TBC1D9: variants seen among roughly 807,000 people sequenced by gnomAD.
The protein encoded by TBC1D9 is TBC1 domain family member 9A.
A neutral mutation model predicts 132.0 loss-of-function variants in TBC1D9; 63 were observed. The observed-to-expected ratio is 0.48, with a 90% CI of 0.39 to 0.59. TBC1D9 has a LOEUF of 0.59. TBC1D9 is among the 20% of genes least tolerant of loss of function. TBC1D9 has a pLI of 0.00. For missense variants in TBC1D9, 1,261 were observed against 1,592.7 expected (o/e 0.79, Z 3.54); for synonymous variants, 610 against 609.9 (o/e 1.00, Z 0.00).
rs1738747724 is a variant in TBC1D9 at position 140,740,810 on chromosome 4, A to C, written c.130+15106T>G. On this transcript the variant is annotated intron_variant, in intron 1 of 20. Transcript: ENST00000442267. ...TTTGGCTGTCAATTTCATCCAAATGAAAGTTCCTAACTTAGATCTCCAGTG... is the reference window on the plus strand; with the variant it reads ...TTTGGCTGTCAATTTCATCCAAATGCAAGTTCCTAACTTAGATCTCCAGTG... Among the ~76,000 whole-genome samples, 3 of 152,328 alleles carry C rather than the reference A, an allele frequency of 2.0e-5. No individual in the cohort carries two copies. In the South Asian group the frequency reaches 6.2e-4, roughly 32 times the overall value.
intron 1 of TBC1D9, among the ~76,000 whole-genome samples, chr4:140,748,975 T>C (rs1247831499): frequency 6.6e-6 from 1 of 152,224 alleles, no homozygotes; most frequent in Non-Finnish European, 1.5e-5. Flanking sequence ...AAATATACTA[T>C]TACAACACAA....
In TBC1D9 at chr4:140,657,302, G is replaced by T. The variant is rs941326341; in HGVS notation, c.2208-76C>A. On this transcript the variant is annotated intron_variant, in intron 12 of 20. Coordinates refer to ENST00000442267, the MANE Select transcript of TBC1D9 (RefSeq NM_015130.3). The stretch of plus-strand genomic sequence containing the variant: ...CATTATAATTCTCCAATCATTTTCT[G>T]CAAGTTCTACATTTTAAAACAAAGG... The T allele has an allele frequency of 2.0e-6, 3 of 1,532,992 alleles. No individual in the cohort carries two copies. In the African/African-American group the frequency reaches 4.2e-5, roughly 21 times the overall value. 95.0% of individuals were successfully genotyped at this position (1,532,992 alleles called of 1,614,324 possible). A position where few individuals can be genotyped will look rare whatever the true frequency, so the allele number is the denominator to read the frequency against.
chr4:140,627,576 A>G (rs971346056), intron 17 of TBC1D9, 49 bp from the exon 18 acceptor site: 1 of 1,158,628 alleles, frequency 8.6e-7, no homozygotes, highest in Admixed American at 2.0e-5. Flanking sequence ...GCCATGATCC[A>G]GTGAAAGTAT....
intron 13 of TBC1D9, among the ~76,000 whole-genome samples, chr4:140,649,529 G>T (rs958193641): frequency 6.6e-6 from 1 of 152,160 alleles, no homozygotes; most frequent in African/African-American, 2.4e-5. Flanking sequence ...AGAAATTGAT[G>T]GAATGTGAGG....
chr4:140,672,985 C>T (rs1180372035), intron 6 of TBC1D9, among the ~76,000 whole-genome samples: 1 of 152,050 alleles, frequency 6.6e-6, no homozygotes, highest in Non-Finnish European at 1.5e-5. Context: ...CATGATGAAA[C>T]CCCATCTCTA....
At chr4:140,687,319 A>ATGTGTGTG (rs1216278514) in intron 2 of TBC1D9, among the ~76,000 whole-genome samples, 2 of 63,872 alleles carry the variant, frequency 3.1e-5, no homozygotes, top group African/African-American at 9.3e-5. Context: ...CCATATATAT[A>ATGTGTGTG]TATGTGTGTG....
intron 2 of TBC1D9, among the ~76,000 whole-genome samples, chr4:140,691,750 C>A (rs953383363): frequency 6.6e-6 from 1 of 152,228 alleles, no homozygotes; most frequent in Non-Finnish European, 1.5e-5. Context: ...TCATTTCAAG[C>A]AGTTTTTTAG....
intron 1 of TBC1D9, among the ~76,000 whole-genome samples, chr4:140,742,574 G>A (rs928314838): frequency 6.6e-6 from 1 of 150,608 alleles, no homozygotes; most frequent in Non-Finnish European, 1.5e-5. Flanking sequence ...TCATCCACTG[G>A]GCTTTTTAGA....
At chr4:140,649,242 A>G (rs1737149747) in intron 13 of TBC1D9, among the ~76,000 whole-genome samples, 1 of 152,258 alleles carries the variant, frequency 6.6e-6, no homozygotes, top group South Asian at 2.1e-4. Context: ...CCACAGGGGA[A>G]TTTACTGAAA....
intron 13 of TBC1D9, 147 bp downstream of exon 13, chr4:140,656,950 T>C: frequency 9.9e-7 from 1 of 1,006,598 alleles, no homozygotes; most frequent in Non-Finnish European, 1.4e-6. Context: ...AATGCCTTGA[T>C]TTGGGGCGTC....
chr4:140,666,461 G>A (rs1281475035), intron 9 of TBC1D9, among the ~76,000 whole-genome samples: 1 of 152,080 alleles, frequency 6.6e-6, no homozygotes, highest in Non-Finnish European at 1.5e-5. Flanking sequence ...TCAGCCTCCC[G>A]AGTAGCTGGG....
At chr4:140,641,637 G>A (rs1327485808) in intron 13 of TBC1D9, among the ~76,000 whole-genome samples, 3 of 152,006 alleles carry the variant, frequency 2.0e-5, no homozygotes, top group African/African-American at 4.8e-5. Context: ...GGAGGAACTC[G>A]GGGTAGGGGG....
intron 16 of TBC1D9, among the ~76,000 whole-genome samples, chr4:140,633,129 G>T (rs1222060418): frequency 6.6e-6 from 1 of 152,206 alleles, no homozygotes; most frequent in Non-Finnish European, 1.5e-5. Context: ...CTTTAGAAAT[G>T]CTGGCTCTAT....
At position 140,652,101 on chromosome 4, in the gene TBC1D9, C is replaced by G. The variant is rs989483236; in HGVS notation, c.2337+4996G>C. Among the ~76,000 whole-genome samples, 2 of 151,922 alleles carry G rather than the reference C, an allele frequency of 1.3e-5. 1 individual carries two copies. Among genetic ancestry groups the G allele is most frequent in the African/African-American group, 4.8e-5 (2 of 41,360 alleles). On this transcript the variant is annotated intron_variant, in intron 13 of 20. Coordinates refer to ENST00000442267, the MANE Select transcript of TBC1D9 (RefSeq NM_015130.3). Reference sequence around the variant, plus strand: ...CAAAAATACCAAAAGATTAGCCAGCCTTGGTGGTGCACGCCTGTAGTTTCA... The same window carrying G: ...CAAAAATACCAAAAGATTAGCCAGCGTTGGTGGTGCACGCCTGTAGTTTCA...
At chr4:140,753,535 A>G (rs561100538) in intron 1 of TBC1D9, among the ~76,000 whole-genome samples, 106 of 152,350 alleles carry the variant, frequency 7.0e-4, no homozygotes, top group African/African-American at 2.5e-3. Context: ...GCTTCTCTCC[A>G]GGCTCAAGTT....
intron 1 of TBC1D9, among the ~76,000 whole-genome samples, chr4:140,743,141 T>G (rs912780722): frequency 2.0e-5 from 3 of 152,230 alleles, no homozygotes; most frequent in African/African-American, 4.8e-5. Context: ...TTTGACTTAA[T>G]GTTGTCAAAC....
At chr4:140,727,480 C>A (rs1453862879) in intron 1 of TBC1D9, among the ~76,000 whole-genome samples, 2 of 152,190 alleles carry the variant, frequency 1.3e-5, no homozygotes, top group Admixed American at 1.3e-4. Flanking sequence ...AGGATGGAAG[C>A]GTGGACATTT....
Position 140,620,887 on chromosome 4 carries a change from C to T in TBC1D9, c.*1308G>A, listed in dbSNP as rs1394542850. On this transcript the variant is annotated 3_prime_UTR_variant, in exon 21 of 21. Transcript: ENST00000442267. ...ATCCTGTAAATAGAATAAAAAACAA[C>T]AGCAGCAATAGCTAAAAAAAGGACA... 1 of 152,422 alleles carries T rather than the reference C, an allele frequency of 6.6e-6. No homozygotes were observed. The highest frequency in any genetic ancestry group is 2.4e-5 in the African/African-American group (1 of 41,380). 9.4% of individuals were successfully genotyped at this position (152,422 alleles called of 1,614,324 possible). A position where few individuals can be genotyped will look rare whatever the true frequency, so the allele number is the denominator to read the frequency against.
intron 2 of TBC1D9, among the ~76,000 whole-genome samples, chr4:140,694,157 G>A (rs1053150861): frequency 6.6e-6 from 1 of 152,140 alleles, no homozygotes; most frequent in Non-Finnish European, 1.5e-5. Context: ...CAAAGATTTT[G>A]TTGGGAGAAT....
Sources: gnomAD v4.1 joint callset for allele counts (sites outside exome capture counted in the v4.1 genomes callset) on GRCh38, gnomAD v4.1.1 for gene constraint, MANE v1.5 for transcripts, NCBI Gene and HGNC (gene_info 2026-07-23, HGNC 2026-07-21) for gene names.